The following CDC25B variants were observed in gnomAD, a reference collection of about 807,000 sequenced individuals.
CDC25B encodes the protein cell division cycle 25B.
Under a neutral mutation model 69.8 loss-of-function variants are expected in CDC25B, and 33 were observed. The observed-to-expected ratio is 0.47, with a 90% CI of 0.36 to 0.63. The LOEUF (loss-of-function observed/expected upper bound fraction) is 0.63, where lower values mean the gene tolerates loss of function less well. Among genes scored for constraint, CDC25B ranks in the 30% least tolerant of loss-of-function variants. CDC25B has a pLI of 0.00. For missense variants in CDC25B, 727 were observed against 809.1 expected (o/e 0.90, Z 1.23); for synonymous variants, 341 against 314.6 (o/e 1.08, Z -0.89).
upstream of CDC25B, among the ~76,000 whole-genome samples, chr20:3,793,705 C>T (rs1350336077): frequency 2.7e-3 from 405 of 147,918 alleles, 2 homozygotes; most frequent in African/African-American, 9.0e-3. Context: ...CCCATTAACT[C>T]GTCATTTAGC....
intron 7 of CDC25B, 21 bp from the exon 8 acceptor site, chr20:3,801,233 G>T: frequency 6.2e-7 from 1 of 1,612,390 alleles, no homozygotes. Context: ...CTAAGTCTGT[G>T]TCTGTCTGTC....
intron 8 of CDC25B, 138 bp downstream of exon 8, chr20:3,801,526 C>A: frequency 8.2e-7 from 1 of 1,214,202 alleles, no homozygotes; most frequent in Non-Finnish European, 1.2e-6. Context: ...TGAGTCACAG[C>A]CTAACCTCTG....
upstream of CDC25B, chr20:3,795,902 C>G: frequency 1.0e-6 from 1 of 985,842 alleles, no homozygotes; most frequent in South Asian, 4.7e-5. Context: ...GGGTGTCTAA[C>G]GCAGACCGTA....
At chr20:3,801,636 G>A (rs1316989612) in intron 8 of CDC25B, 86 bp from the exon 9 acceptor site, 2 of 1,222,990 alleles carry the variant, frequency 1.6e-6, no homozygotes, top group African/African-American at 3.0e-5. Context: ...GGGAAACAGG[G>A]AAGGCTGTGC....
chr20:3,788,229 T>G (rs1220347448), intron 1 of CDC25B, among the ~76,000 whole-genome samples: 1 of 152,238 alleles, frequency 6.6e-6, no homozygotes, highest in Non-Finnish European at 1.5e-5. Flanking sequence ...TACTGTGGCA[T>G]TCTGGAAGCC....
rs201619391 is a variant in CDC25B at position 3,797,706 on chromosome 20, C to T, written c.285C>T (p.Ser95=). Residue 95 remains serine, a synonymous_variant, in exon 2 of 16, where the codon TCC becomes TCT. Coordinates refer to ENST00000245960, the MANE Select transcript of CDC25B (RefSeq NM_021873.4). ...LTHLSLSRRA[S]ESSLSSESSE... is the part of the protein sequence containing the mutation. ...ACCTATCCCTGTCTCGACGGGCATC[C>T]GAATCCTCCCTGTCGTCTGAATCCT... The T allele has an allele frequency of 6.2e-6, 10 of 1,614,146 alleles. No individual in the cohort carries two copies. The highest frequency in any genetic ancestry group is 1.7e-5 in the Admixed American group (1 of 60,020).
rs982834633 is a variant in CDC25B, at chr20:3,803,945, C to T, written c.1490+408C>T. Among the ~76,000 whole-genome samples, 1 of 152,206 alleles carries T rather than the reference C, an allele frequency of 6.6e-6. No homozygotes were observed. The highest frequency in any genetic ancestry group is 1.5e-5 in the Non-Finnish European group (1 of 68,034). ...GCCTCCCTGGCTGAGCTCCTTCTGT[C>T]GCTATTCCTGTTCTGCCTGGCCATC... On this transcript the variant is annotated intron_variant, in intron 14 of 15. Coordinates refer to ENST00000245960, the MANE Select transcript of CDC25B (RefSeq NM_021873.4). The surrounding 1 kb of genome is among the most constrained non-coding windows in gnomAD (Gnocchi z 4.9).
upstream of CDC25B, chr20:3,795,946 C>T (rs1408563846): frequency 5.1e-6 from 5 of 986,770 alleles, no homozygotes; most frequent in Non-Finnish European, 3.6e-6. Context: ...TTCCGGGAGC[C>T]AGTTGGAGCC....
chr20:3,804,454 A>G, intron 14 of CDC25B, 115 bp from the exon 15 acceptor site: 1 of 699,326 alleles, frequency 1.4e-6, no homozygotes, highest in Admixed American at 2.2e-5. Context: ...CCTGTGCTCT[A>G]AAGCTTTCTG....
upstream of CDC25B, chr20:3,795,838 T>G: frequency 1.0e-6 from 1 of 984,704 alleles, no homozygotes; most frequent in South Asian, 4.7e-5. Context: ...CCCAACCGCG[T>G]GACCTTGATT....
intron 3 of CDC25B, among the ~76,000 whole-genome samples, chr20:3,799,525 T>TGTGTGTGTGC (rs1211874383): frequency 1.5e-5 from 1 of 68,688 alleles, no homozygotes; most frequent in Non-Finnish European, 3.2e-5. Flanking sequence ...TGTGTGTGTG[T>TGTGTGTGTGC]GCGCGCGCGC....
chr20:3,801,397 C>A lies in CDC25B; in HGVS notation c.840+9C>A, dbSNP rs200555990. 3 of 1,600,312 alleles carry A rather than the reference C, an allele frequency of 1.9e-6. No homozygotes were observed. Among genetic ancestry groups the A allele is most frequent in the South Asian group, 2.2e-5 (2 of 89,482 alleles). On this transcript the variant is annotated intron_variant, in intron 8 of 15. Transcript: ENST00000245960. ...TAGAGAGTGACTTAAAGGTAAACAG[C>A]CTTGTCCCACCAGGCCCCTACCTTC...
At chr20:3,801,433 G>A (rs1568509255) in intron 8 of CDC25B, 45 bp downstream of exon 8, 2 of 1,548,942 alleles carry the variant, frequency 1.3e-6, no homozygotes, top group Non-Finnish European at 1.7e-6. Flanking sequence ...CTATCCCTGG[G>A]TTCGCCCAAA....
rs746860003 is a variant in CDC25B, at chr20:3,798,458, G to A, written c.375G>A (p.Glu125=). The A allele has an allele frequency of 8.8e-6, 14 of 1,597,974 alleles. No homozygotes were observed. The highest frequency in any genetic ancestry group is 1.2e-5 in the Non-Finnish European group (14 of 1,171,210). The stretch of plus-strand genomic sequence containing the variant: ...GCCCTATGGACCCCCACATGGCGGA[G>A]CAGACGTGAGTAGAGAAGGGAATGT... ...SPSPMDPHMA[E]QTFEQAIQAA... Residue 125 remains glutamate, a synonymous_variant, in exon 3 of 16, where the codon GAG becomes GAA. Transcript: ENST00000245960.
upstream of CDC25B, among the ~76,000 whole-genome samples, chr20:3,795,559 C>T (rs1028478806): frequency 2.6e-5 from 4 of 152,236 alleles, no homozygotes; most frequent in Non-Finnish European, 4.4e-5. Flanking sequence ...CCTCGACCCC[C>T]AGCCGCGGAA....
chr20:3,796,406 T>TCCCCCCCC lies in CDC25B; in HGVS notation c.-123_-122insCCCCCCCC, dbSNP rs1157911265. 5 of 338,166 alleles carry TCCCCCCCC rather than the reference T, an allele frequency of 1.5e-5. No individual in the cohort carries two copies. Among genetic ancestry groups the TCCCCCCCC allele is most frequent in the Admixed American group, 7.1e-4 (1 of 1,404 alleles). The allele number at this position is 338,166 out of a possible 1,614,324, so 20.9% of individuals were successfully genotyped here. A position where few individuals can be genotyped will look rare whatever the true frequency, so the allele number is the denominator to read the frequency against. On this transcript the variant is annotated 5_prime_UTR_variant, in exon 1 of 16. Coordinates refer to ENST00000245960, the MANE Select transcript of CDC25B (RefSeq NM_021873.4). ...TCGCGCCTGGCCCTGTGGCTCTTCC[T>TCCCCCCCC]CCCTCCCTCCTTCCCCCCCCCCCCA...
chr20:3,791,774 T>C (rs2088918345), upstream of CDC25B, among the ~76,000 whole-genome samples: 1 of 152,222 alleles, frequency 6.6e-6, no homozygotes, highest in Non-Finnish European at 1.5e-5. Context: ...CATAAGGGCA[T>C]ACTTACTGCA....
In CDC25B at chr20:3,804,662, G is replaced by A. The variant is rs1175897100; in HGVS notation, c.1584G>A (p.Glu528=). 1.3e-6 allele frequency: 2 copies of A among 1,581,174 alleles called. No individual in the cohort carries two copies. Among genetic ancestry groups the A allele is most frequent in the Admixed American group, 1.7e-5 (1 of 58,288 alleles). Residue 528 remains glutamate, a synonymous_variant, in exon 15 of 16, where the codon GAG becomes GAA. Transcript: ENST00000245960. ...ATATCCTGAAAGGCGGCTACAAGGAGTTCTTCCCTCAGCACCCGGTAGCGT... is the reference window on the plus strand; with the variant it reads ...ATATCCTGAAAGGCGGCTACAAGGAATTCTTCCCTCAGCACCCGGTAGCGT... ...EMYILKGGYK[E]FFPQHPNFCE...
At chr20:3,794,650 A>G (rs1283391507), upstream of CDC25B, among the ~76,000 whole-genome samples, 3 of 152,052 alleles carry the variant, frequency 2.0e-5, no homozygotes, top group African/African-American at 7.2e-5. Flanking sequence ...CCCAGGGAGG[A>G]TGAACCGGAA....
Sources: allele counts gnomAD v4.1 joint callset (sites outside exome capture counted in the v4.1 genomes callset), GRCh38; gene constraint gnomAD v4.1.1; non-coding constraint Gnocchi (gnomAD v3.1); transcripts MANE v1.5; gene names NCBI Gene and HGNC (gene_info 2026-07-23, HGNC 2026-07-21).